The following PLEKHB2 variants were observed in gnomAD, a reference collection of about 807,000 sequenced individuals.
The protein encoded by PLEKHB2 is pleckstrin homology domain-containing family B member 2.
A neutral mutation model predicts 36.5 loss-of-function variants in PLEKHB2; 31 were observed. That is an observed-to-expected ratio of 0.85 (90% CI 0.64 to 1.15). The LOEUF (loss-of-function observed/expected upper bound fraction) is 1.15, where lower values mean the gene tolerates loss of function less well. PLEKHB2 is among the 50% of genes most tolerant of loss of function. PLEKHB2 has a pLI of 0.00. For missense variants in PLEKHB2, 262 were observed against 295.3 expected (o/e 0.89, Z 0.83); for synonymous variants, 119 against 112.0 (o/e 1.06, Z -0.39).
intron 4 of PLEKHB2, among the ~76,000 whole-genome samples, chr2:131,129,558 G>A (rs1326840704): frequency 6.6e-6 from 1 of 152,096 alleles, no homozygotes; most frequent in Non-Finnish European, 1.5e-5. Context: ...AGGCTAGAGT[G>A]CAATGGTATA....
intron 1 of PLEKHB2, among the ~76,000 whole-genome samples, chr2:131,109,477 G>A (rs1261037363): frequency 6.6e-6 from 1 of 152,044 alleles, no homozygotes; most frequent in Non-Finnish European, 1.5e-5. Context: ...ATCCCCTGAG[G>A]TCAGGAGTTT....
At position 131,126,252 on chromosome 2, in the gene PLEKHB2, G is replaced by A. The variant is rs1160683497; in HGVS notation, c.190+347G>A. ...GCTTAAAATCTGGGATGTTGGCCAG[G>A]CATGGTGGCTCATGCCTGTAATCCC... is the stretch of plus-strand genomic sequence containing the variant. On this transcript the variant is annotated intron_variant, in intron 3 of 7. Coordinates refer to ENST00000693505, the MANE Select transcript of PLEKHB2 (RefSeq NM_001100623.2). Among the ~76,000 whole-genome samples, 3 of 152,168 alleles carry A rather than the reference G, an allele frequency of 2.0e-5. 1 individual carries two copies. Among genetic ancestry groups the A allele is most frequent in the Admixed American group, 1.3e-4 (2 of 15,274 alleles).
At chr2:131,132,001 T>G (rs1390644099) in intron 5 of PLEKHB2, among the ~76,000 whole-genome samples, 2 of 152,056 alleles carry the variant, frequency 1.3e-5, no homozygotes, top group Non-Finnish European at 2.9e-5. Flanking sequence ...GCCCAGCTAA[T>G]TTTTGTATTT....
intron 5 of PLEKHB2, among the ~76,000 whole-genome samples, chr2:131,132,701 T>A (rs1047461415): frequency 1.6e-4 from 24 of 152,202 alleles, no homozygotes; most frequent in African/African-American, 5.6e-4. Flanking sequence ...TGAGGACCAC[T>A]TTGCTCTTGC....
Position 131,126,801 on chromosome 2 carries a change from C to T in PLEKHB2, c.293+15C>T. 1.4e-6 allele frequency: 2 copies of T among 1,385,630 alleles called. No individual in the cohort carries two copies. Among genetic ancestry groups the T allele is most frequent in the South Asian group, 2.4e-5 (2 of 84,666 alleles). The allele number at this position is 1,385,630 out of a possible 1,614,324, so 85.8% of individuals were successfully genotyped here. ...GATGATTGCTTGTAAGTTTTGCTTT[C>T]TTATGTGTTTAATTTAAAAAGTATT... is the stretch of plus-strand genomic sequence containing the variant. On this transcript the variant is annotated intron_variant, in intron 4 of 7. Transcript: ENST00000693505.
chr2:131,140,177 G>A lies in PLEKHB2; in HGVS notation c.434G>A (p.Gly145Asp), dbSNP rs372466127. The change falls in exon 7 of 8, where the codon GGC becomes GAC. Residue 145 changes from glycine to aspartate, a missense_variant. Gly to Asp is a moderately conservative substitution (Grantham distance 94). Transcript: ENST00000693505. ...YAAPAPEQAY[G>D]YGPYGGAYPP... is the part of the protein sequence containing the mutation. ...CCTGTTTCTTTTCAGCAGGCTTATG[G>A]CTATGGGCCATACGGTGGTGCGTAC... 6.2e-7 allele frequency: 1 copy of A among 1,609,276 alleles called. No homozygotes were observed. The highest frequency in any genetic ancestry group is 8.5e-7 in the Non-Finnish European group (1 of 1,175,944).
intron 6 of PLEKHB2, among the ~76,000 whole-genome samples, chr2:131,136,662 C>G (rs1487881627): frequency 6.6e-6 from 1 of 151,602 alleles, no homozygotes; most frequent in Admixed American, 6.6e-5. Flanking sequence ...ATTCAGTTTG[C>G]TAATATTTGT....
chr2:131,118,829 C>T (rs149820466), intron 1 of PLEKHB2: 13,641 of 128,880 alleles, frequency 0.11, 817 homozygotes, highest in South Asian at 0.26. Flanking sequence ...GATTGCGCCA[C>T]TGCACTCCAG....
At position 131,112,280 on chromosome 2, in the gene PLEKHB2, T is replaced by C. The variant is rs1161113558; in HGVS notation, c.-9+6882T>C. On this transcript the variant is annotated intron_variant, in intron 1 of 7. Transcript: ENST00000693505. ...GAATAGCCGAACACCTGGAGGTTCC[T>C]GGAGGGAGGGTGGTGTGCCTGGAGA... is the stretch of plus-strand genomic sequence containing the variant. Among the ~76,000 whole-genome samples, 9 of 152,306 alleles carry C rather than the reference T, an allele frequency of 5.9e-5. No homozygotes were observed. The South Asian group carries it at 1.7e-3, about 28-fold the overall frequency.
At chr2:131,126,943 A>G (rs2104874620) in intron 4 of PLEKHB2, 157 bp downstream of exon 4, 2 of 590,896 alleles carry the variant, frequency 3.4e-6, no homozygotes, top group South Asian at 4.1e-5. Context: ...TCGCTTTTCC[A>G]ATTCTAGTTT....
chr2:131,115,385 G>T (rs1052570866), intron 1 of PLEKHB2, among the ~76,000 whole-genome samples: 1 of 103,968 alleles, frequency 9.6e-6, no homozygotes, highest in African/African-American at 3.9e-5. Context: ...GATGGAGTCT[G>T]GCTCTTTTGC....
At chr2:131,137,202 C>T (rs1698356490) in intron 6 of PLEKHB2, among the ~76,000 whole-genome samples, 1 of 152,214 alleles carries the variant, frequency 6.6e-6, no homozygotes, top group Non-Finnish European at 1.5e-5. Context: ...CCGCCTCGGC[C>T]TCCCAGAGTG....
At chr2:131,137,565 CTTA>C (rs1449848408) in intron 6 of PLEKHB2, among the ~76,000 whole-genome samples, 1 of 152,102 alleles carries the variant, frequency 6.6e-6, no homozygotes, top group Admixed American at 6.5e-5. Flanking sequence ...ATGGTGTTTT[CTTA>C]TTATCCTTGT....
intron 5 of PLEKHB2, 45 bp from the exon 6 acceptor site, chr2:131,132,857 C>A: frequency 9.1e-7 from 1 of 1,093,364 alleles, no homozygotes; most frequent in Non-Finnish European, 1.4e-6. Context: ...GAGCACACAG[C>A]TGCTGGGAAG....
intron 2 of PLEKHB2, among the ~76,000 whole-genome samples, chr2:131,124,412 G>A (rs1222942698): frequency 6.6e-6 from 1 of 152,230 alleles, no homozygotes; most frequent in Non-Finnish European, 1.5e-5. Context: ...GAATGGATGT[G>A]AGGAAGGTAA....
intron 4 of PLEKHB2, among the ~76,000 whole-genome samples, chr2:131,129,486 T>G (rs1404560583): frequency 6.6e-6 from 1 of 151,958 alleles, no homozygotes; most frequent in Non-Finnish European, 1.5e-5. Flanking sequence ...GGTAAAGGAG[T>G]GAGGGAGTGC....
At chr2:131,144,597 TAG>T (rs1274714578) in intron 7 of PLEKHB2, 18 of 375,798 alleles carry the variant, frequency 4.8e-5, no homozygotes, top group Non-Finnish European at 8.0e-5. Flanking sequence ...TTAGTTGCCA[TAG>T]AAACTGTGTC....
At chr2:131,126,297 G>A (rs1697095140) in intron 3 of PLEKHB2, among the ~76,000 whole-genome samples, 1 of 152,204 alleles carries the variant, frequency 6.6e-6, no homozygotes, top group African/African-American at 2.4e-5. Context: ...GGAGGCCGAG[G>A]TGGGTGGATC....
chr2:131,133,299 GA>G (rs1697906391), intron 6 of PLEKHB2, among the ~76,000 whole-genome samples: 1 of 152,058 alleles, frequency 6.6e-6, no homozygotes, highest in South Asian at 2.1e-4. Context: ...TGAATTATTT[GA>G]ATTCTCCTTA....
Sources: gnomAD v4.1 joint callset for allele counts (sites outside exome capture counted in the v4.1 genomes callset) on GRCh38, gnomAD v4.1.1 for gene constraint, MANE v1.5 for transcripts, NCBI Gene and HGNC (gene_info 2026-07-23, HGNC 2026-07-21) for gene names.